Variants in RAB37 observed in about 807,000 individuals in gnomAD.
RAB37 encodes the protein RAB37, member RAS oncogene family.
A neutral mutation model predicts 33.1 loss-of-function variants in RAB37; 29 were observed. That is an observed-to-expected ratio of 0.88 (90% CI 0.65 to 1.20). The LOEUF (loss-of-function observed/expected upper bound fraction) is 1.20, where lower values mean the gene tolerates loss of function less well. Ranked by LOEUF, RAB37 falls within the 50% of genes most tolerant of loss-of-function variation. RAB37 has a pLI of 0.00. For missense variants in RAB37, 299 were observed against 301.1 expected, an observed-to-expected ratio of 0.99 and a Z score of 0.05; for synonymous variants, 128 against 119.5, an observed-to-expected ratio of 1.07 and a Z score of -0.47.
upstream of RAB37, among the ~76,000 whole-genome samples, chr17:74,732,742 TGTGTG>T (rs2034407021): frequency 1.1e-5 from 1 of 90,216 alleles, no homozygotes; most frequent in Non-Finnish European, 2.5e-5. Context: ...ATTTGAGGTG[TGTGTG>T]ATGAGGTGTG....
upstream of RAB37, chr17:74,737,003 G>A: frequency 6.3e-7 from 1 of 1,599,536 alleles, no homozygotes; most frequent in South Asian, 1.1e-5. Context: ...ACCGGTCCCG[G>A]GGCTGGATGT....
Position 74,744,994 on chromosome 17 carries a change from T to A in RAB37, c.490-14T>A, listed in dbSNP as rs200178341. The A allele has an allele frequency of 6.2e-7, 1 of 1,614,216 alleles. No homozygotes were observed. The highest frequency in any genetic ancestry group is 2.2e-5 in the East Asian group (1 of 44,884). ...AACCCGACGCTGGCCCTGAGGACAC[T>A]CTCTCCCGGGCAGGAGTACGGTGTT... On this transcript the variant is annotated splice_polypyrimidine_tract_variant and intron_variant, in intron 7 of 8. Coordinates refer to ENST00000392613, the MANE Select transcript of RAB37 (RefSeq NM_001006638.3). The surrounding 1 kb of genome is among the most constrained non-coding windows in gnomAD (Gnocchi z 4.2).
At chr17:74,737,207 G>A (rs1418124329), upstream of RAB37, 53 of 1,532,790 alleles carry the variant, frequency 3.5e-5, no homozygotes, top group Middle Eastern at 4.4e-4. Flanking sequence ...GGCGGGGCGG[G>A]GGTGGGGCCG....
Position 74,729,307 on chromosome 17 carries a change from T to G in RAB37, c.124T>G (p.Phe42Val), listed in dbSNP as rs1427161195. ...GGGAAAGACGTCTCTGCTGGTTCAG[T>G]TCGATCAGGGCAAGTTCATCCCCGG... The change falls in exon 2 of 8, where the codon TTC (phenylalanine) becomes GTC (valine). Residue 42 changes from phenylalanine (F) to valine (V), a missense_variant. Transcript: ENST00000340415. The surrounding 1 kb of genome is among the most constrained non-coding windows in gnomAD (Gnocchi z 4.2). 1.2e-6 allele frequency: 2 copies of G among 1,614,090 alleles called. No homozygotes were observed. Among genetic ancestry groups the G allele is most frequent in the South Asian group, 1.1e-5 (1 of 91,078 alleles).
At position 74,729,817 on chromosome 17, in the gene RAB37, A is replaced by T. The variant is rs2034362915; in HGVS notation, c.183+451A>T. Among the ~76,000 whole-genome samples, 1 of 152,130 alleles carries T rather than the reference A, an allele frequency of 6.6e-6. No individual in the cohort carries two copies. The highest frequency in any genetic ancestry group is 2.4e-5 in the African/African-American group (1 of 41,414). On this transcript the variant is annotated intron_variant, in intron 2 of 7. Transcript: ENST00000340415. The surrounding 1 kb of genome is among the most constrained non-coding windows in gnomAD (Gnocchi z 4.2). Reference sequence around the variant, plus strand: ...CGCAAGTGGAAGCCAGAAAGCAAAAAATATTTTAATATGGGATAGCTCAGG... The same window carrying T: ...CGCAAGTGGAAGCCAGAAAGCAAAATATATTTTAATATGGGATAGCTCAGG...
intron 1 of RAB37, among the ~76,000 whole-genome samples, chr17:74,719,115 C>T (rs1230053744): frequency 6.6e-6 from 1 of 152,092 alleles, no homozygotes; most frequent in Non-Finnish European, 1.5e-5. Flanking sequence ...GCCGAAAATA[C>T]CAGCTCTGAA....
At chr17:74,705,359 G>T in intron 1 of RAB37, 1 of 658,234 alleles carries the variant, frequency 1.5e-6, no homozygotes, top group South Asian at 1.6e-5. Context: ...AAACAGCAAC[G>T]GCAACTGGTC....
At chr17:74,739,939 C>T (rs536809347) in intron 1 of RAB37, among the ~76,000 whole-genome samples, 40 of 151,670 alleles carry the variant, frequency 2.6e-4, no homozygotes, top group African/African-American at 9.2e-4. Context: ...GGCGGATCAC[C>T]TGAGGTCGGG....
At chr17:74,743,020 AG>A in intron 3 of RAB37, 108 bp from the exon 4 acceptor site, 1 of 918,716 alleles carries the variant, frequency 1.1e-6, no homozygotes, top group South Asian at 1.5e-5. Flanking sequence ...AGAAGAAAAC[AG>A]CCCCACCTTC....
chr17:74,710,630 G>A (rs1423975281), intron 1 of RAB37, among the ~76,000 whole-genome samples: 5 of 151,754 alleles, frequency 3.3e-5, no homozygotes, highest in African/African-American at 7.3e-5. Context: ...AGGCCAAGGC[G>A]GGTGGATCAC....
At chr17:74,733,399 T>A, upstream of RAB37, among the ~76,000 whole-genome samples, 3 of 42,626 alleles carry the variant, frequency 7.0e-5, 1 homozygote, top group South Asian at 2.5e-3. Flanking sequence ...TGATGTAGGG[T>A]GTGTGTGTAT....
intron 1 of RAB37, among the ~76,000 whole-genome samples, chr17:74,690,003 G>A (rs1854194829): frequency 3.3e-5 from 5 of 152,154 alleles, no homozygotes; most frequent in Non-Finnish European, 4.4e-5. Flanking sequence ...TGAGGCTGGT[G>A]TGCAGTGGTA....
chr17:74,726,828 T>C (rs1277614955), intron 1 of RAB37, among the ~76,000 whole-genome samples: 1 of 152,240 alleles, frequency 6.6e-6, no homozygotes, highest in Admixed American at 6.5e-5. Context: ...TTTATGTCTT[T>C]ATGTTTTTAC....
At chr17:74,723,105 G>T (rs191541470) in intron 1 of RAB37, among the ~76,000 whole-genome samples, 1 of 152,224 alleles carries the variant, frequency 6.6e-6, no homozygotes, top group Non-Finnish European at 1.5e-5. Context: ...CTTCCGCAAA[G>T]TTGCAATTGC....
At chr17:74,733,175 T>G (rs1471646108), upstream of RAB37, among the ~76,000 whole-genome samples, 1 of 151,978 alleles carries the variant, frequency 6.6e-6, no homozygotes, top group East Asian at 1.9e-4. Context: ...GAGTGTGTGT[T>G]TGGAGTGAAA....
chr17:74,677,280 AAC>A (rs2031854921), intron 1 of RAB37: 1 of 152,232 alleles, frequency 6.6e-6, no homozygotes, highest in Non-Finnish European at 1.5e-5. Context: ...GTCTGGATAC[AAC>A]AGTGTTCTCC....
At chr17:74,706,974 T>C (rs1434302239) in intron 1 of RAB37, among the ~76,000 whole-genome samples, 1 of 152,170 alleles carries the variant, frequency 6.6e-6, no homozygotes, top group African/African-American at 2.4e-5. Flanking sequence ...TCACAACATA[T>C]ACAAAAATCA....
Position 74,737,297 on chromosome 17 carries a change from G to T in RAB37, c.25G>T (p.Ala9Ser). The T allele has an allele frequency of 6.3e-7, 1 of 1,574,926 alleles. No homozygotes were observed. The highest frequency in any genetic ancestry group is 8.6e-7 in the Non-Finnish European group (1 of 1,167,662). MTGTPGAVATRDGEAPERS... is the reference protein window; with the variant it reads MTGTPGAVSTRDGEAPERS... Reference sequence around the variant, plus strand: ...CATGACGGGCACGCCAGGCGCCGTTGCCACCCGGGATGGCGAGGCCCCCGA... The same window carrying T: ...CATGACGGGCACGCCAGGCGCCGTTTCCACCCGGGATGGCGAGGCCCCCGA... The change falls in exon 1 of 9, where the codon GCC becomes TCC. Residue 9 changes from alanine to serine, a missense_variant. Physicochemically the swap from Ala to Ser is moderately conservative, Grantham distance 99. Coordinates refer to ENST00000392613, the MANE Select transcript of RAB37 (RefSeq NM_001006638.3).
intron 1 of RAB37, among the ~76,000 whole-genome samples, chr17:74,683,824 G>A (rs913217908): frequency 4.6e-5 from 7 of 152,144 alleles, no homozygotes; most frequent in African/African-American, 1.7e-4. Context: ...AAAGGAGTGG[G>A]CAGCACCACA....
Sources: allele counts gnomAD v4.1 joint callset (sites outside exome capture counted in the v4.1 genomes callset), GRCh38; gene constraint gnomAD v4.1.1; non-coding constraint Gnocchi (gnomAD v3.1); transcripts MANE v1.5; gene names NCBI Gene and HGNC (gene_info 2026-07-23, HGNC 2026-07-21).